CYP2C19: variants seen among roughly 807,000 people sequenced by gnomAD.
CYP2C19 encodes the protein cytochrome P450 family 2 subfamily C member 19.
CYP2C19 carries 59 observed loss-of-function variants against 40.9 expected under a neutral mutation model. The ratio of observed to expected loss-of-function variants is 1.44; its 90% CI spans 1.17 to 1.79. The LOEUF is 1.79. Among genes scored for constraint, CYP2C19 ranks in the 40% most tolerant of loss-of-function variants. CYP2C19 has a pLI of 0.00. For synonymous variants in CYP2C19, 253 were observed against 208.7 expected (o/e 1.21, Z -1.83); for missense variants, 754 against 596.9 (o/e 1.26, Z -2.74).
chr10:94,789,996 T>G (rs544490460), intron 5 of CYP2C19, among the ~76,000 whole-genome samples: 1 of 152,316 alleles, frequency 6.6e-6, no homozygotes, highest in South Asian at 2.1e-4. Context: ...TTCTTGCATT[T>G]GTTTGTGTCC....
intron 6 of CYP2C19, among the ~76,000 whole-genome samples, chr10:94,837,980 C>A (rs1313158204): frequency 6.6e-6 from 1 of 152,140 alleles, no homozygotes. Context: ...GAAGCAAGCC[C>A]TATTAGACAT....
At chr10:94,846,501 T>G in intron 7 of CYP2C19, among the ~76,000 whole-genome samples, 1 of 152,180 alleles carries the variant, frequency 6.6e-6, no homozygotes, top group African/African-American at 2.4e-5. Flanking sequence ...GATGAAAATC[T>G]ATGGCATGAC....
intron 6 of CYP2C19, among the ~76,000 whole-genome samples, chr10:94,826,128 C>A (rs1414780866): frequency 6.6e-6 from 1 of 152,030 alleles, no homozygotes; most frequent in African/African-American, 2.4e-5. Context: ...TTAGGAATGA[C>A]TTGGTGATGC....
intron 5 of CYP2C19, among the ~76,000 whole-genome samples, chr10:94,803,368 A>C (rs946713407): frequency 6.6e-6 from 1 of 152,126 alleles, no homozygotes; most frequent in Non-Finnish European, 1.5e-5. Context: ...CGGCCTGTGC[A>C]GTTTGACATA....
At chr10:94,826,689 C>T (rs1177380856) in intron 6 of CYP2C19, among the ~76,000 whole-genome samples, 2 of 152,034 alleles carry the variant, frequency 1.3e-5, no homozygotes, top group Admixed American at 6.6e-5. Context: ...GAACTTCCAA[C>T]ACTATGTTGA....
In CYP2C19 at chr10:94,826,464, A is replaced by G. The variant is rs992118279; in HGVS notation, c.961+5827A>G. Reference sequence around the variant, plus strand: ...TCATGATTTGGCACTCTGTTTGTCTATTGTTGGTGTATAAGAATGCTTGTG... The same window carrying G: ...TCATGATTTGGCACTCTGTTTGTCTGTTGTTGGTGTATAAGAATGCTTGTG... On this transcript the variant is annotated intron_variant, in intron 6 of 8. Coordinates refer to ENST00000371321, the MANE Select transcript of CYP2C19 (RefSeq NM_000769.4). Among the ~76,000 whole-genome samples, 51 of 152,080 alleles carry G rather than the reference A, an allele frequency of 3.4e-4. 1 individual carries two copies. The East Asian group carries it at 5.6e-3, about 17-fold the overall frequency.
rs955300432 is a variant in CYP2C19, at chr10:94,850,203, C to T, written c.1291+145C>T. 2.1e-5 allele frequency: 20 copies of T among 938,262 alleles called. 1 individual carries two copies. In the African/African-American group the frequency reaches 2.1e-4, roughly 10 times the overall value. 58.1% of individuals were successfully genotyped at this position (938,262 alleles called of 1,614,324 possible). ...CTGTTCTGAATGCCTGTGTTTTCTC[C>T]GCTGGTGATACATCCTCATTATTCG... On this transcript the variant is annotated intron_variant, in intron 8 of 8. Transcript: ENST00000371321.
At chr10:94,837,982 A>G (rs1849431781) in intron 6 of CYP2C19, among the ~76,000 whole-genome samples, 1 of 152,178 alleles carries the variant, frequency 6.6e-6, no homozygotes, top group African/African-American at 2.4e-5. Context: ...AGCAAGCCCT[A>G]TTAGACATAT....
chr10:94,820,778 T>TCACACCATTAAATTG, intron 6 of CYP2C19, 141 bp downstream of exon 6: 2 of 1,096,144 alleles, frequency 1.8e-6, no homozygotes, highest in Non-Finnish European at 2.6e-6. Context: ...CCCAATTTAA[T>TCACACCATTAAATTG]GGTGTGATTA....
intron 5 of CYP2C19, among the ~76,000 whole-genome samples, chr10:94,815,576 C>T (rs1463854217): frequency 2.6e-5 from 4 of 152,206 alleles, no homozygotes; most frequent in East Asian, 1.9e-4. Flanking sequence ...TTGGCATATG[C>T]CTTACCCTTA....
rs778936820 is a variant in CYP2C19 at position 94,854,936 on chromosome 10, T to C, written c.*2022T>C. The stretch of plus-strand genomic sequence containing the variant: ...ATTTTAAACATTCTTCATTGGGAAA[T>C]GAAAATGTATTAATGTAGTGTTAGT... On this transcript the variant is annotated 3_prime_UTR_variant, in exon 9 of 9. Coordinates refer to ENST00000371321, the MANE Select transcript of CYP2C19 (RefSeq NM_000769.4). Among the ~76,000 whole-genome samples the C allele has an allele frequency of 1.3e-5, 2 of 152,146 alleles. No individual in the cohort carries two copies. The highest frequency in any genetic ancestry group is 1.5e-5 in the Non-Finnish European group (1 of 68,016).
chr10:94,776,637 A>C (rs1300757864), intron 3 of CYP2C19, among the ~76,000 whole-genome samples: 1 of 152,026 alleles, frequency 6.6e-6, no homozygotes, highest in Non-Finnish European at 1.5e-5. Context: ...CTTTAAATAT[A>C]AAGTTTAATA....
intron 8 of CYP2C19, 55 bp from the exon 9 acceptor site, chr10:94,852,678 T>C: frequency 6.3e-7 from 1 of 1,579,732 alleles, no homozygotes; most frequent in Non-Finnish European, 8.7e-7. Flanking sequence ...ACAGTGTTTG[T>C]CACTCTCACA....
rs930016092 is a variant in CYP2C19 at position 94,846,249 on chromosome 10, G to A, written c.1149+3225G>A. On this transcript the variant is annotated intron_variant, in intron 7 of 8. Coordinates refer to ENST00000371321, the MANE Select transcript of CYP2C19 (RefSeq NM_000769.4). ...ATGTTGATCTCTGTGAAGAGTTGAGGCCTTTAGTCATTTAAATTTTCTTCG... is the reference window on the plus strand; with the variant it reads ...ATGTTGATCTCTGTGAAGAGTTGAGACCTTTAGTCATTTAAATTTTCTTCG... 2.0e-5 allele frequency among the ~76,000 whole-genome samples: 3 copies of A among 151,918 alleles called. No homozygotes were observed. The East Asian group carries it at 5.8e-4, about 29-fold the overall frequency.
In CYP2C19 at chr10:94,781,899, G is replaced by T; in HGVS notation, c.721G>T (p.Glu241Ter). Residue 241 changes from glutamate (E) to a stop codon, truncating the protein, a stop_gained, in exon 5 of 9, where the codon GAA (glutamate) becomes TAA (stop). Transcript: ENST00000371321. LOFTEE classifies it high-confidence loss of function. ...NKLLKNLAFMESDILEKVKEH... is the reference protein window; with the variant it reads ...NKLLKNLAFM ...ATTACTTAAAAACCTTGCTTTTATG[G>T]AAAGTGATATTTTGGAGAAAGTAAA... 2 of 1,502,378 alleles carry T rather than the reference G, an allele frequency of 1.3e-6. No individual in the cohort carries two copies. The highest frequency in any genetic ancestry group is 1.8e-6 in the Non-Finnish European group (2 of 1,137,996). The allele number at this position is 1,502,378 out of a possible 1,614,324, so 93.1% of individuals were successfully genotyped here.
In CYP2C19 at chr10:94,852,796, T is replaced by C. The variant is rs775653805; in HGVS notation, c.1355T>C (p.Ile452Thr). Reference sequence around the variant, plus strand: ...GAGCTGTTTTTATTCCTGACCTTCATTTTACAGAACTTTAACCTGAAATCT... The same window carrying C: ...GAGCTGTTTTTATTCCTGACCTTCACTTTACAGAACTTTAACCTGAAATCT... ...RMELFLFLTF[I>T]LQNFNLKSLI... Residue 452 changes from isoleucine to threonine, a missense_variant, in exon 9 of 9, where the codon ATT becomes ACT. Ile to Thr is a moderately conservative substitution (Grantham distance 89, BLOSUM62 -1). Transcript: ENST00000371321. The C allele has an allele frequency of 1.2e-6, 2 of 1,614,114 alleles. No homozygotes were observed. Among genetic ancestry groups the C allele is most frequent in the Non-Finnish European group, 1.7e-6 (2 of 1,179,972 alleles).
At chr10:94,805,953 T>C (rs1179453346) in intron 5 of CYP2C19, among the ~76,000 whole-genome samples, 2 of 152,144 alleles carry the variant, frequency 1.3e-5, no homozygotes, top group African/African-American at 4.8e-5. Context: ...TTATCTGAAG[T>C]CAAAGGGAAT....
intron 1 of CYP2C19, among the ~76,000 whole-genome samples, chr10:94,772,125 G>A (rs1177493156): frequency 1.3e-5 from 2 of 152,150 alleles, no homozygotes; most frequent in African/African-American, 4.8e-5. Flanking sequence ...CCCTGAGGGA[G>A]GGAAGGGATC....
intron 7 of CYP2C19, among the ~76,000 whole-genome samples, chr10:94,843,979 G>A (rs1417111203): frequency 1.3e-5 from 2 of 152,166 alleles, no homozygotes; most frequent in East Asian, 1.9e-4. Flanking sequence ...ATAGAAATAA[G>A]TATGCACATA....
Sources: allele counts gnomAD v4.1 joint callset (sites outside exome capture counted in the v4.1 genomes callset), GRCh38; gene constraint gnomAD v4.1.1; transcripts MANE v1.5; gene names NCBI Gene and HGNC (gene_info 2026-07-23, HGNC 2026-07-21).